Variants in ALDH1A2 observed in about 807,000 individuals in gnomAD.
The protein encoded by ALDH1A2 is retinal dehydrogenase 2.
A neutral mutation model predicts 60.3 loss-of-function variants in ALDH1A2; 27 were observed. The observed-to-expected ratio is 0.45, with a 90% CI of 0.33 to 0.62. The LOEUF (loss-of-function observed/expected upper bound fraction) is 0.62, where lower values mean the gene tolerates loss of function less well. Ranked by LOEUF, ALDH1A2 falls within the 20% of genes least tolerant of loss-of-function variation. ALDH1A2 has a pLI of 0.02. For missense variants in ALDH1A2, 581 were observed against 643.8 expected, an observed-to-expected ratio of 0.90 and a Z score of 1.06; for synonymous variants, 289 against 232.4, an observed-to-expected ratio of 1.24 and a Z score of -2.21.
chr15:57,960,827 G>A lies in ALDH1A2; in HGVS notation c.1427C>T (p.Ala476Val). ...AGTVWINCYN[A>V]LNAQSPFGGF... ...CCCAAAGGGGCTCTGGGCATTTAAG[G>A]CATTGTAACAATTGATCCTGAAAGA... The change falls in exon 12 of 13, where the codon GCC (alanine) becomes GTC (valine). Residue 476 changes from alanine to valine, a missense_variant. Physicochemically the swap from Ala to Val is moderately conservative, Grantham distance 64 (BLOSUM62 0). Transcript: ENST00000249750. The A allele has an allele frequency of 6.2e-7, 1 of 1,613,946 alleles. No homozygotes were observed.
intron 11 of ALDH1A2, 26 bp downstream of exon 11, chr15:57,961,111 T>A (rs1267780500): frequency 6.2e-7 from 1 of 1,613,244 alleles, no homozygotes; most frequent in Non-Finnish European, 8.5e-7. Context: ...CAGTGGAATT[T>A]GTTACAAGAC....
At chr15:57,962,271 C>G in intron 9 of ALDH1A2, 95 bp from the exon 10 acceptor site, 2 of 1,453,170 alleles carry the variant, frequency 1.4e-6, no homozygotes, top group Non-Finnish European at 1.9e-6. Flanking sequence ...GGGTTTTTTT[C>G]AAAGTTTAAC....
intron 7 of ALDH1A2, among the ~76,000 whole-genome samples, chr15:57,984,924 A>AT (rs1364196149): frequency 2.6e-5 from 4 of 152,022 alleles, no homozygotes; most frequent in African/African-American, 7.3e-5. Flanking sequence ...TATTACATTG[A>AT]TTTTTTTACA....
In ALDH1A2 at chr15:58,047,638, C is replaced by G. The variant is rs569929334; in HGVS notation, c.117+17896G>C. Among the ~76,000 whole-genome samples, 18 of 151,898 alleles carry G rather than the reference C, an allele frequency of 1.2e-4. No individual in the cohort carries two copies. The South Asian group carries it at 3.5e-3, about 30-fold the overall frequency. ...TATTTTTAACTTTGAAAAAAATTAG[C>G]CCCAACTTTTTTTACTTCTAATTAA... On this transcript the variant is annotated intron_variant, in intron 1 of 12. Coordinates refer to ENST00000249750, the MANE Select transcript of ALDH1A2 (RefSeq NM_003888.4).
intron 10 of ALDH1A2, 91 bp downstream of exon 10, chr15:57,961,921 A>T (rs1476011884): frequency 1.3e-6 from 2 of 1,509,202 alleles, no homozygotes; most frequent in Non-Finnish European, 1.8e-6. Context: ...GTAAAATATA[A>T]AGAGCTAAAA....
intron 1 of ALDH1A2, among the ~76,000 whole-genome samples, chr15:58,024,819 A>T (rs1200898291): frequency 3.3e-5 from 5 of 152,324 alleles, no homozygotes; most frequent in South Asian, 4.1e-4. Flanking sequence ...AGCAATTTTT[A>T]AAAAATCATA....
intron 1 of ALDH1A2, 59 bp from the exon 2 acceptor site, chr15:58,014,340 G>A (rs1895728911): frequency 1.5e-5 from 19 of 1,302,656 alleles, no homozygotes; most frequent in Admixed American, 3.4e-5. Context: ...GCCAGTCAAC[G>A]GCCAAGTGTT....
chr15:57,965,498 C>A (rs1226279138), intron 8 of ALDH1A2, among the ~76,000 whole-genome samples: 1 of 152,226 alleles, frequency 6.6e-6, no homozygotes, highest in East Asian at 1.9e-4. Flanking sequence ...TATTCTACAA[C>A]ATCACAGATT....
At chr15:58,007,513 C>G (rs1895499251) in intron 4 of ALDH1A2, among the ~76,000 whole-genome samples, 1 of 151,970 alleles carries the variant, frequency 6.6e-6, no homozygotes, top group Non-Finnish European at 1.5e-5. Context: ...AGCCATGTGA[C>G]CTTCTACAAG....
In ALDH1A2 at chr15:58,016,026, T is replaced by A. The variant is rs558690454; in HGVS notation, c.118-1745A>T. Among the ~76,000 whole-genome samples the A allele has an allele frequency of 1.1e-4, 16 of 152,334 alleles. No homozygotes were observed. The South Asian group carries it at 2.5e-3, about 24-fold the overall frequency. On this transcript the variant is annotated intron_variant, in intron 1 of 12. Transcript: ENST00000249750. ...CATTAAGGATCCACTTCTTGGGTAT[T>A]ATCAGGTTTAGGGAAAAAGTGGTCT... is the stretch of plus-strand genomic sequence containing the variant.
chr15:58,017,788 T>C (rs1285144217), intron 1 of ALDH1A2, among the ~76,000 whole-genome samples: 1 of 151,994 alleles, frequency 6.6e-6, no homozygotes, highest in African/African-American at 2.4e-5. Context: ...TCTTTATTCT[T>C]ACTTCTGTAA....
At position 57,974,432 on chromosome 15, in the gene ALDH1A2, C is replaced by CAA. The variant is rs61170362; in HGVS notation, c.799-8607_799-8606dup. Among the ~76,000 whole-genome samples the CAA allele has an allele frequency of 6.9e-3, 670 of 96,564 alleles. 6 individuals are homozygous for CAA. Among genetic ancestry groups the CAA allele is most frequent in the African/African-American group, 0.027 (588 of 22,018 alleles). 63.3% of individuals were successfully genotyped at this position (96,564 alleles called of 152,430 possible). ...TGGGTGACAGAGCGAGACTCCATCT[C>CAA]AAAAAAAAAAAAAAAAAAAAAGAAA... is the stretch of plus-strand genomic sequence containing the variant. On this transcript the variant is annotated intron_variant, in intron 7 of 12. Transcript: ENST00000249750.
intron 1 of ALDH1A2, among the ~76,000 whole-genome samples, chr15:58,023,076 T>A (rs1010988992): frequency 1.3e-5 from 2 of 152,150 alleles, no homozygotes; most frequent in Admixed American, 1.3e-4. Context: ...TACAAGTGAA[T>A]TCTGAACATA....
At chr15:58,005,133 G>A (rs545756512) in intron 4 of ALDH1A2, among the ~76,000 whole-genome samples, 21 of 151,820 alleles carry the variant, frequency 1.4e-4, no homozygotes, top group African/African-American at 3.9e-4. Flanking sequence ...CTAACTCATG[G>A]TACTCTCCTC....
chr15:58,000,794 C>G (rs1302491251), intron 4 of ALDH1A2, among the ~76,000 whole-genome samples: 5 of 151,826 alleles, frequency 3.3e-5, no homozygotes, highest in African/African-American at 7.3e-5. Context: ...ACCAGAGAGT[C>G]TGCATTTCTA....
chr15:58,032,024 T>C (rs1424374488), intron 1 of ALDH1A2, among the ~76,000 whole-genome samples: 1 of 152,168 alleles, frequency 6.6e-6, no homozygotes, highest in East Asian at 1.9e-4. Flanking sequence ...CAAAGGATTA[T>C]AAAACATGCT....
chr15:58,010,448 CT>C (rs1394402844), intron 4 of ALDH1A2, among the ~76,000 whole-genome samples, 200 bp downstream of exon 4: 6 of 152,078 alleles, frequency 3.9e-5, no homozygotes, highest in Admixed American at 2.6e-4. Context: ...TGGCATGCCC[CT>C]GTACTTATAT....
intron 1 of ALDH1A2, among the ~76,000 whole-genome samples, chr15:58,045,940 T>C (rs1896630437): frequency 6.6e-6 from 1 of 152,010 alleles, no homozygotes; most frequent in Non-Finnish European, 1.5e-5. Context: ...CACACATGCA[T>C]TTGAAAAAAA....
chr15:58,000,307 C>G (rs1364279360), intron 4 of ALDH1A2, among the ~76,000 whole-genome samples: 1 of 151,928 alleles, frequency 6.6e-6, no homozygotes, highest in Non-Finnish European at 1.5e-5. Flanking sequence ...AACACAAGAG[C>G]TAAGCCTTCT....
Sources: gnomAD v4.1 joint callset for allele counts (sites outside exome capture counted in the v4.1 genomes callset) on GRCh38, gnomAD v4.1.1 for gene constraint, MANE v1.5 for transcripts, NCBI Gene and HGNC (gene_info 2026-07-23, HGNC 2026-07-21) for gene names.